PRTG: variants seen among roughly 807,000 people sequenced by gnomAD.
PRTG encodes the protein immunoglobulin superfamily, DCC subclass, member 5.
In PRTG, 67 loss-of-function variants were observed where a neutral mutation model predicts 122.5. The observed-to-expected ratio is 0.55, with a 90% confidence interval of 0.45 to 0.67. PRTG has a LOEUF of 0.67. Among genes scored for constraint, PRTG ranks in the 30% least tolerant of loss-of-function variants. The pLI, the probability that PRTG is intolerant of heterozygous loss-of-function variation, is 0.00. For synonymous variants in PRTG, 554 were observed against 501.1 expected, an observed-to-expected ratio of 1.11 and a Z score of -1.41; for missense variants, 1,435 against 1,415.4, an observed-to-expected ratio of 1.01 and a Z score of -0.22.
chr15:55,644,979 T>C (rs983472161), intron 11 of PRTG, among the ~76,000 whole-genome samples: 1 of 152,182 alleles, frequency 6.6e-6, no homozygotes, highest in African/African-American at 2.4e-5. Context: ...CAGCGGACAA[T>C]GTGGATTTAC....
chr15:55,631,331 T>C (rs893034562), intron 15 of PRTG, among the ~76,000 whole-genome samples: 1 of 152,180 alleles, frequency 6.6e-6, no homozygotes, highest in Non-Finnish European at 1.5e-5. Flanking sequence ...TGAGTTTCCA[T>C]TTTATGGTAA....
chr15:55,736,365 G>A (rs142160142), intron 2 of PRTG, among the ~76,000 whole-genome samples: 718 of 145,884 alleles, frequency 4.9e-3, no homozygotes, highest in African/African-American at 0.017. Flanking sequence ...TCTTTTCAAC[G>A]TATCACTTCC....
chr15:55,625,130 GA>G (rs1420896193), intron 17 of PRTG, among the ~76,000 whole-genome samples: 4 of 152,066 alleles, frequency 2.6e-5, no homozygotes, highest in African/African-American at 9.6e-5. Context: ...ATTTGACGTT[GA>G]TTTTTTTTTA....
Position 55,638,560 on chromosome 15 carries a change from G to T in PRTG, c.2441C>A (p.Thr814Asn). Residue 814 changes from threonine (T) to asparagine (N), a missense_variant, in exon 14 of 20, where the codon ACT (threonine) becomes AAT (asparagine). By Grantham distance (65) the Thr-to-Asn change is moderately conservative. Transcript: ENST00000389286. Reference sequence around the variant, plus strand: ...GCTGTTTTCTTTACCTTCTGGAAGAGTAGAATGGTAGACTACAGGGCTCCA... The same window carrying T: ...GCTGTTTTCTTTACCTTCTGGAAGATTAGAATGGTAGACTACAGGGCTCCA... ...SPWSPVVYHSTLPEAPAGPPV... is the reference protein window; with the variant it reads ...SPWSPVVYHSNLPEAPAGPPV... The T allele has an allele frequency of 6.2e-7, 1 of 1,608,806 alleles. No individual in the cohort carries two copies. The highest frequency in any genetic ancestry group is 8.5e-7 in the Non-Finnish European group (1 of 1,177,894).
intron 16 of PRTG, among the ~76,000 whole-genome samples, chr15:55,628,109 T>C (rs144734390): frequency 1.3e-3 from 191 of 152,298 alleles, no homozygotes; most frequent in African/African-American, 4.4e-3. Flanking sequence ...TCTCTCATTC[T>C]CTTTCTAACA....
At chr15:55,738,457 T>C in intron 2 of PRTG, 1 of 701,068 alleles carries the variant, frequency 1.4e-6, no homozygotes, top group Non-Finnish European at 2.6e-6. Context: ...TGCTTCATCT[T>C]CTCATGGCCT....
At position 55,638,684 on chromosome 15, in the gene PRTG, A is replaced by G; in HGVS notation, c.2325-8T>C. 1 of 1,608,988 alleles carries G rather than the reference A, an allele frequency of 6.2e-7. No homozygotes were observed. The highest frequency in any genetic ancestry group is 8.5e-7 in the Non-Finnish European group (1 of 1,178,098). On this transcript the variant is annotated splice_region_variant and splice_polypyrimidine_tract_variant and intron_variant, in intron 13 of 19. Transcript: ENST00000389286. ...AACATGTGAGTTTCTGATCTATAAT[A>G]ACGAGTGATGAAGTTGTTAATGCTG...
chr15:55,678,026 C>G lies in PRTG; in HGVS notation c.1152G>C (p.Gln384His). 1 of 1,592,618 alleles carries G rather than the reference C, an allele frequency of 6.3e-7. No individual in the cohort carries two copies. Among genetic ancestry groups the G allele is most frequent in the Non-Finnish European group, 8.6e-7 (1 of 1,163,508 alleles). ...KMYNSKLVIN[Q>H]IIPEDDAIYQ... ...AAATAGCATCATCTTCAGGAATAAT[C>G]TGGTTAATTACCAATTTACTAGGGA... The change falls in exon 8 of 20, where the codon CAG becomes CAC. Residue 384 changes from glutamine to histidine, a missense_variant. By Grantham distance (24) the Gln-to-His change is conservative. Coordinates refer to ENST00000389286, the MANE Select transcript of PRTG (RefSeq NM_173814.6).
At chr15:55,682,299 G>A (rs1402141903) in intron 4 of PRTG, 65 bp downstream of exon 4, 3 of 1,309,836 alleles carry the variant, frequency 2.3e-6, no homozygotes, top group African/African-American at 3.0e-5. Context: ...TTACAGCAGA[G>A]GAGAAGAAGT....
chr15:55,666,927 T>C (rs1162396702), intron 11 of PRTG, among the ~76,000 whole-genome samples: 2 of 152,170 alleles, frequency 1.3e-5, no homozygotes, highest in African/African-American at 4.8e-5. Context: ...GTTGTGAAAT[T>C]TGAAGTCAAA....
At position 55,636,894 on chromosome 15, in the gene PRTG, G is replaced by A. The variant is rs1042170562; in HGVS notation, c.2623+276C>T. On this transcript the variant is annotated intron_variant, in intron 15 of 19. Transcript: ENST00000389286. ...ACTCCGGACCTCAGGTAATCTATCC[G>A]CCTCGGCCTCACAAAGTGCTGAGAT... Among the ~76,000 whole-genome samples, 3 of 152,202 alleles carry A rather than the reference G, an allele frequency of 2.0e-5. 1 individual carries two copies. The highest frequency in any genetic ancestry group is 2.0e-4 in the Admixed American group (3 of 15,272).
chr15:55,634,969 A>G (rs759644698), intron 15 of PRTG, among the ~76,000 whole-genome samples: 1 of 152,200 alleles, frequency 6.6e-6, no homozygotes, highest in Non-Finnish European at 1.5e-5. Flanking sequence ...ACTCTGCCCA[A>G]TCAGACATTA....
intron 18 of PRTG, among the ~76,000 whole-genome samples, chr15:55,624,111 GATTAT>G (rs1425920379): frequency 1.3e-5 from 2 of 151,676 alleles, no homozygotes; most frequent in Non-Finnish European, 2.9e-5. Flanking sequence ...ATATAAATGA[GATTAT>G]ATTATATGCT....
intron 15 of PRTG, among the ~76,000 whole-genome samples, chr15:55,636,800 T>C (rs955706677): frequency 1.3e-5 from 2 of 152,000 alleles, no homozygotes; most frequent in Non-Finnish European, 2.9e-5. Context: ...GCGCCTGCCA[T>C]CACACCCAGC....
In PRTG at chr15:55,713,557, A is replaced by T. The variant is rs570070845; in HGVS notation, c.397+26825T>A. Among the ~76,000 whole-genome samples, 3 of 152,360 alleles carry T rather than the reference A, an allele frequency of 2.0e-5. No homozygotes were observed. In the East Asian group the frequency reaches 5.8e-4, roughly 29 times the overall value. On this transcript the variant is annotated intron_variant, in intron 2 of 19. Coordinates refer to ENST00000389286, the MANE Select transcript of PRTG (RefSeq NM_173814.6). ...CTCTCTAAAATAGTTCCACCAGTTT[A>T]AATTTCCATCAGCTTTCTTTGCCAT...
chr15:55,629,625 G>A (rs1021636155), intron 15 of PRTG, among the ~76,000 whole-genome samples: 3 of 151,974 alleles, frequency 2.0e-5, no homozygotes, highest in Non-Finnish European at 4.4e-5. Context: ...CTCCCCAGTA[G>A]TTGGGACTAC....
At chr15:55,652,319 G>A (rs572531) in intron 11 of PRTG, among the ~76,000 whole-genome samples, 29,842 of 152,068 alleles carry the variant, frequency 0.2, 3,509 homozygotes, top group East Asian at 0.52. Flanking sequence ...ATCAGAATAA[G>A]TAGGTAGGAA....
chr15:55,707,466 A>G (rs1177453787), intron 2 of PRTG, among the ~76,000 whole-genome samples: 2 of 152,260 alleles, frequency 1.3e-5, no homozygotes, highest in Non-Finnish European at 1.5e-5. Context: ...GAAATAGGCT[A>G]TATTAGCTGC....
intron 16 of PRTG, among the ~76,000 whole-genome samples, chr15:55,628,411 C>G (rs1354770990): frequency 1.3e-5 from 2 of 151,982 alleles, no homozygotes; most frequent in African/African-American, 4.8e-5. Flanking sequence ...AACTTTCTCT[C>G]CAGAAAAGCT....
Sources: allele counts gnomAD v4.1 joint callset (sites outside exome capture counted in the v4.1 genomes callset), GRCh38; gene constraint gnomAD v4.1.1; transcripts MANE v1.5; gene names NCBI Gene and HGNC (gene_info 2026-07-23, HGNC 2026-07-21).